The following UGT3A1 variants were observed in gnomAD, a reference collection of about 807,000 sequenced individuals.
The protein encoded by UGT3A1 is UDP-glycosyltransferase 3A1.
A neutral mutation model predicts 37.6 loss-of-function variants in UGT3A1; 40 were observed. The ratio of observed to expected loss-of-function variants is 1.06; its 90% CI spans 0.83 to 1.38. The LOEUF is 1.38. Ranked by LOEUF, UGT3A1 falls within the 40% of genes most tolerant of loss-of-function variation. UGT3A1 has a pLI of 0.00. For missense variants in UGT3A1, 642 were observed against 634.2 expected (o/e 1.01, Z -0.13); for synonymous variants, 256 against 232.3 (o/e 1.10, Z -0.93).
intron 2 of UGT3A1, among the ~76,000 whole-genome samples, chr5:35,971,721 C>T (rs532574380): frequency 6.6e-6 from 1 of 152,058 alleles, no homozygotes; most frequent in Non-Finnish European, 1.5e-5. Flanking sequence ...TTGCTCCAAC[C>T]CCAGCTCTCA....
At position 35,965,764 on chromosome 5, in the gene UGT3A1, A is replaced by G. The variant is rs1465498404; in HGVS notation, c.465T>C (p.Ala155=). Residue 155 remains alanine (A), a synonymous_variant, in exon 4 of 7, where the codon GCT becomes GCC. Coordinates refer to ENST00000274278, the MANE Select transcript of UGT3A1 (RefSeq NM_152404.4). ...CCACAAATGGTTTCACAAGCTTCTC[A>G]GCAATCAGGAAAGAACAGAAATCAA... ...EAFDFCSFLI[A]EKLVKPFVAI... The G allele has an allele frequency of 6.2e-7, 1 of 1,614,112 alleles. No individual in the cohort carries two copies.
At chr5:35,989,808 G>T (rs1283392273) in intron 1 of UGT3A1, among the ~76,000 whole-genome samples, 1 of 152,196 alleles carries the variant, frequency 6.6e-6, no homozygotes, top group African/African-American at 2.4e-5. Flanking sequence ...CTCAGAAAGC[G>T]GGGAAAAGAC....
At chr5:35,954,507 A>G in intron 6 of UGT3A1, 29 bp from the exon 7 acceptor site, 1 of 1,608,592 alleles carries the variant, frequency 6.2e-7, no homozygotes, top group Middle Eastern at 1.7e-4. Flanking sequence ...AGGGTGTGTT[A>G]CTGACGTAGC....
At chr5:35,961,727 C>T (rs1739594107) in intron 4 of UGT3A1, 1 of 152,288 alleles carries the variant, frequency 6.6e-6, no homozygotes, top group South Asian at 2.1e-4. Context: ...TTCAGTTAGA[C>T]CTCTAAAGTA....
At chr5:35,990,086 C>T (rs1230100858) in intron 1 of UGT3A1, among the ~76,000 whole-genome samples, 1 of 142,894 alleles carries the variant, frequency 7.0e-6, no homozygotes, top group Non-Finnish European at 1.5e-5. Context: ...AGCAAGACTC[C>T]GTCTCAAAAA....
At chr5:35,995,015 A>G (rs1196799330), upstream of UGT3A1, among the ~76,000 whole-genome samples, 2 of 152,212 alleles carry the variant, frequency 1.3e-5, no homozygotes, top group African/African-American at 2.4e-5. Flanking sequence ...CAAAAACTAA[A>G]CAGCCAGAAT....
chr5:35,957,441 A>G, intron 4 of UGT3A1, 22 bp from the exon 5 acceptor site: 1 of 1,605,828 alleles, frequency 6.2e-7, no homozygotes, highest in Non-Finnish European at 8.5e-7. Context: ...TGACAAAAGA[A>G]AGGAGGTGGC....
At chr5:35,986,029 G>C (rs1740715719) in intron 2 of UGT3A1, among the ~76,000 whole-genome samples, 1 of 151,948 alleles carries the variant, frequency 6.6e-6, no homozygotes, top group Non-Finnish European at 1.5e-5. Context: ...AGTTAAAAAT[G>C]GGAAAAAGAT....
At chr5:35,973,340 G>A (rs140986535) in intron 2 of UGT3A1, among the ~76,000 whole-genome samples, 3 of 152,248 alleles carry the variant, frequency 2.0e-5, no homozygotes, top group African/African-American at 7.2e-5. Flanking sequence ...ACAAAAATCT[G>A]GGGTACATGT....
At chr5:35,994,483 T>C (rs1741048031), upstream of UGT3A1, among the ~76,000 whole-genome samples, 2 of 151,970 alleles carry the variant, frequency 1.3e-5, no homozygotes, top group African/African-American at 4.8e-5. Flanking sequence ...CTCTCAGCCT[T>C]TTGTGGCATT....
intron 6 of UGT3A1, chr5:35,955,348 C>T (rs377130401): frequency 8.9e-5 from 50 of 562,682 alleles, no homozygotes; most frequent in African/African-American, 5.8e-4. Context: ...AGAAACCCCC[C>T]GCTTCAGTTG....
intron 2 of UGT3A1, among the ~76,000 whole-genome samples, chr5:35,972,908 T>C (rs894605020): frequency 6.6e-6 from 1 of 150,894 alleles, no homozygotes; most frequent in Non-Finnish European, 1.5e-5. Flanking sequence ...AAATCTCCTA[T>C]AGCTACTGGG....
intron 6 of UGT3A1, chr5:35,955,193 C>A (rs781705399): frequency 4.8e-6 from 1 of 207,938 alleles, no homozygotes; most frequent in Non-Finnish European, 9.7e-6. Flanking sequence ...AAGACACAAC[C>A]CTGTCTATGG....
At position 35,988,466 on chromosome 5, in the gene UGT3A1, T is replaced by C. The variant is rs1350467266; in HGVS notation, c.180A>G (p.Gly60=). The C allele has an allele frequency of 1.2e-6, 2 of 1,604,848 alleles. No homozygotes were observed. Among genetic ancestry groups the C allele is most frequent in the African/African-American group, 2.7e-5 (2 of 74,322 alleles). ...GHNVTMLHQS[G]KFLIPDIKEE... is the part of the protein sequence containing the mutation. ...AAAAGATACCTGGGATCAAAAACTTTCCACTCTGATGAAGCATAGTCACAT... is the reference window on the plus strand; with the variant it reads ...AAAAGATACCTGGGATCAAAAACTTCCCACTCTGATGAAGCATAGTCACAT... Residue 60 remains glycine, a synonymous_variant, in exon 2 of 7, where the codon GGA becomes GGG. Transcript: ENST00000274278.
chr5:35,996,240 G>A (rs1312838339), upstream of UGT3A1, among the ~76,000 whole-genome samples: 1 of 152,084 alleles, frequency 6.6e-6, no homozygotes, highest in Non-Finnish European at 1.5e-5. Flanking sequence ...ATGCAACTCA[G>A]GAAGACTAGG....
At chr5:35,954,781 GA>G (rs1365900626) in intron 6 of UGT3A1, 7 of 375,746 alleles carry the variant, frequency 1.9e-5, no homozygotes, top group South Asian at 4.4e-5. Context: ...TATACTAAAG[GA>G]AAAAATATAT....
intron 4 of UGT3A1, among the ~76,000 whole-genome samples, chr5:35,958,622 A>G (rs377267301): frequency 6.6e-6 from 1 of 152,190 alleles, no homozygotes; most frequent in Admixed American, 6.5e-5. Flanking sequence ...GACTCAAATG[A>G]CTCCGTAGAG....
chr5:35,996,133 T>G (rs1026533603), upstream of UGT3A1, among the ~76,000 whole-genome samples: 2 of 151,996 alleles, frequency 1.3e-5, no homozygotes, highest in Non-Finnish European at 2.9e-5. Flanking sequence ...GCTCTCTCCA[T>G]CTGAAGACTC....
intron 2 of UGT3A1, among the ~76,000 whole-genome samples, chr5:35,985,326 C>A (rs1350044023): frequency 2.6e-5 from 4 of 152,054 alleles, no homozygotes; most frequent in Non-Finnish European, 5.9e-5. Context: ...ATCAAAATAT[C>A]AATGACATTA....
Sources: allele counts gnomAD v4.1 joint callset (sites outside exome capture counted in the v4.1 genomes callset), GRCh38; gene constraint gnomAD v4.1.1; transcripts MANE v1.5; gene names NCBI Gene and HGNC (gene_info 2026-07-23, HGNC 2026-07-21).